The following AFF1 variants were observed in gnomAD, a reference collection of about 807,000 sequenced individuals.
The protein encoded by AFF1 is AF4/FMR2 family member 1.
A neutral mutation model predicts 121.7 loss-of-function variants in AFF1; 48 were observed. The ratio of observed to expected loss-of-function variants is 0.39; its 90% confidence interval spans 0.31 to 0.50. The LOEUF (loss-of-function observed/expected upper bound fraction) is 0.50, where lower values mean the gene tolerates loss of function less well. AFF1 is among the 20% of genes least tolerant of loss of function. The probability of loss-of-function intolerance (pLI) is 0.76; values close to 1 mark genes in which losing one functional copy is unlikely to be tolerated. For synonymous variants in AFF1, 613 were observed against 563.0 expected, an observed-to-expected ratio of 1.09 and a Z score of -1.26; for missense variants, 1,523 against 1,511.7, an observed-to-expected ratio of 1.01 and a Z score of -0.12.
intron 5 of AFF1, 61 bp downstream of exon 5, chr4:87,084,225 A>G (rs1285511833): frequency 1.5e-5 from 23 of 1,542,866 alleles, no homozygotes; most frequent in Non-Finnish European, 2.7e-6. Flanking sequence ...GCGTACATCC[A>G]TTTACTTTCA....
At chr4:87,039,008 C>T (rs970795217) in intron 2 of AFF1, among the ~76,000 whole-genome samples, 4 of 152,096 alleles carry the variant, frequency 2.6e-5, no homozygotes, top group Non-Finnish European at 4.4e-5. Context: ...ATGGAAGCAC[C>T]GAATGGCATT....
At chr4:87,038,417 G>T (rs972046324) in intron 2 of AFF1, among the ~76,000 whole-genome samples, 2 of 152,126 alleles carry the variant, frequency 1.3e-5, no homozygotes, top group African/African-American at 4.8e-5. Context: ...AACTAGTATT[G>T]TGCTTGGAGG....
chr4:87,073,581 T>C (rs1722350259), intron 4 of AFF1, among the ~76,000 whole-genome samples: 1 of 152,188 alleles, frequency 6.6e-6, no homozygotes, highest in Non-Finnish European at 1.5e-5. Flanking sequence ...GCTGTTGAGA[T>C]TACTGCTGGA....
At chr4:87,059,416 T>C (rs1720499196) in intron 4 of AFF1, among the ~76,000 whole-genome samples, 2 of 152,224 alleles carry the variant, frequency 1.3e-5, no homozygotes, top group African/African-American at 4.8e-5. Flanking sequence ...CCTATGGAGA[T>C]TACTTTATAA....
intron 2 of AFF1, among the ~76,000 whole-genome samples, chr4:87,004,736 A>G (rs562270075): frequency 2.0e-5 from 3 of 152,242 alleles, no homozygotes; most frequent in African/African-American, 4.8e-5. Flanking sequence ...GGGATGCCCA[A>G]CCCAAACAGA....
intron 2 of AFF1, among the ~76,000 whole-genome samples, chr4:86,963,839 G>C (rs1328534904): frequency 6.6e-6 from 1 of 150,650 alleles, no homozygotes; most frequent in East Asian, 1.9e-4. Flanking sequence ...CTGTTGTCCA[G>C]GCTGGAGTGC....
intron 12 of AFF1, among the ~76,000 whole-genome samples, chr4:87,118,696 G>A (rs1040337649): frequency 1.3e-5 from 2 of 152,112 alleles, no homozygotes; most frequent in East Asian, 3.9e-4. Context: ...TTGTTGCCCA[G>A]GCTGGTCTTG....
intron 5 of AFF1, 37 bp downstream of exon 5, chr4:87,084,201 A>G (rs1723452940): frequency 6.3e-7 from 1 of 1,599,246 alleles, no homozygotes; most frequent in East Asian, 2.2e-5. Flanking sequence ...TTGAAGAAAT[A>G]TTTAAGTAGG....
chr4:86,936,992 A>G (rs531984335), intron 1 of AFF1, among the ~76,000 whole-genome samples: 1 of 152,370 alleles, frequency 6.6e-6, no homozygotes, highest in East Asian at 1.9e-4. Context: ...ACTTTGAGAC[A>G]AATAGAGATT....
rs71660115 is a variant in AFF1, at chr4:87,115,609, C to CTTTTTTTTTTTTTT, written c.2466+313_2466+326dup. ...ATCTAGGGCCGCCCCCAACCCACCT[C>CTTTTTTTTTTTTTT]TTTTTTTTTTTTTTTTCCAAAGACA... On this transcript the variant is annotated intron_variant, in intron 12 of 20. Transcript: ENST00000395146. Among the ~76,000 whole-genome samples, 273 of 40,640 alleles carry CTTTTTTTTTTTTTT rather than the reference C, an allele frequency of 6.7e-3. 30 individuals carry two copies. Among genetic ancestry groups the CTTTTTTTTTTTTTT allele is most frequent in the East Asian group, 0.014 (12 of 830 alleles). The allele number at this position is 40,640 out of a possible 152,430, so 26.7% of individuals were successfully genotyped here.
At position 87,000,603 on chromosome 4, in the gene AFF1, C is replaced by CTG. The variant is rs777829987; in HGVS notation, c.39-45562_39-45561insGT. ...AATAAAACATTTATTAAAAAATAAACTCTGTGTGTGTGTGTGTGTGTGTGT... is the reference window on the plus strand; with the variant it reads ...AATAAAACATTTATTAAAAAATAAACTGTCTGTGTGTGTGTGTGTGTGTGTGT... On this transcript the variant is annotated intron_variant, in intron 2 of 20. Transcript: ENST00000395146. Among the ~76,000 whole-genome samples, 724 of 76,788 alleles carry CTG rather than the reference C, an allele frequency of 9.4e-3. 3 individuals carry two copies. The highest frequency in any genetic ancestry group is 0.022 in the Middle Eastern group (4 of 182). The allele number at this position is 76,788 out of a possible 152,430, so 50.4% of individuals were successfully genotyped here.
At chr4:87,002,725 C>T (rs756689089) in intron 2 of AFF1, among the ~76,000 whole-genome samples, 1 of 152,044 alleles carries the variant, frequency 6.6e-6, no homozygotes, top group African/African-American at 2.4e-5. Flanking sequence ...TAAAGATTAA[C>T]GGGCGATTTT....
At chr4:87,081,917 A>G (rs1723221979) in intron 4 of AFF1, among the ~76,000 whole-genome samples, 1 of 152,190 alleles carries the variant, frequency 6.6e-6, no homozygotes, top group Non-Finnish European at 1.5e-5. Context: ...CTTGGGGAAA[A>G]AAAACATTTC....
intron 17 of AFF1, 142 bp downstream of exon 17, chr4:87,131,361 G>T: frequency 2.6e-6 from 3 of 1,136,054 alleles, no homozygotes; most frequent in South Asian, 1.5e-5. Context: ...ACTAGTGTTT[G>T]TCCTGAAGTT....
chr4:86,944,163 A>T (rs1407673571), intron 1 of AFF1, among the ~76,000 whole-genome samples: 2 of 140,346 alleles, frequency 1.4e-5, no homozygotes, highest in East Asian at 2.2e-4. Flanking sequence ...AAAAAAAAAA[A>T]GTCTTCCCTA....
At chr4:86,946,725 A>G (rs982042002) in intron 1 of AFF1, among the ~76,000 whole-genome samples, 8 of 152,064 alleles carry the variant, frequency 5.3e-5, no homozygotes, top group Non-Finnish European at 1.2e-4. Flanking sequence ...GCAGATGCTC[A>G]GGATACATTT....
chr4:87,035,687 G>C (rs1480016574), intron 2 of AFF1, among the ~76,000 whole-genome samples: 1 of 152,178 alleles, frequency 6.6e-6, no homozygotes, highest in Admixed American at 6.5e-5. Context: ...GCAGCTTTGT[G>C]GAGATGGACA....
At chr4:87,007,351 G>A in intron 2 of AFF1, 2 of 1,611,560 alleles carry the variant, frequency 1.2e-6, no homozygotes, top group South Asian at 2.2e-5. Flanking sequence ...CTGGCAGCAG[G>A]GCCCGCGGGG....
At chr4:86,964,060 C>T (rs1302335688) in intron 2 of AFF1, among the ~76,000 whole-genome samples, 2 of 150,238 alleles carry the variant, frequency 1.3e-5, no homozygotes, top group Non-Finnish European at 3.0e-5. Flanking sequence ...TCAAGCAGTC[C>T]TCCTGCCTCG....
Sources: allele counts gnomAD v4.1 joint callset (sites outside exome capture counted in the v4.1 genomes callset), GRCh38; gene constraint gnomAD v4.1.1; transcripts MANE v1.5; gene names NCBI Gene and HGNC (gene_info 2026-07-23, HGNC 2026-07-21).